Variants in SYTL3 observed in about 807,000 individuals in gnomAD.
SYTL3 encodes synaptotagmin like 3.
SYTL3 carries 88 observed loss-of-function variants against 82.1 expected under a neutral mutation model. The observed-to-expected ratio is 1.07, with a 90% CI of 0.90 to 1.28. The LOEUF (loss-of-function observed/expected upper bound fraction) is 1.28. SYTL3 is among the 50% of genes most tolerant of loss of function. SYTL3 has a pLI of 0.00. For synonymous variants in SYTL3, 311 were observed against 289.4 expected (o/e 1.07, Z -0.76); for missense variants, 831 against 757.6 (o/e 1.10, Z -1.14).
rs552229219 is a variant in SYTL3, at chr6:158,713,692, C to T, written c.517-108C>T. ...CCCCAGCACCACGCCCACACTCACT[C>T]GCACACACCCACATGCCAGTGTTTT... is the stretch of plus-strand genomic sequence containing the variant. On this transcript the variant is annotated intron_variant, in intron 8 of 17. Transcript: ENST00000611299. 132 of 792,094 alleles carry T rather than the reference C, an allele frequency of 1.7e-4. 1 individual carries two copies. The highest frequency in any genetic ancestry group is 1.4e-3 in the South Asian group (92 of 66,392). 49.1% of individuals were successfully genotyped at this position (792,094 alleles called of 1,614,324 possible). A position where few individuals can be genotyped will look rare whatever the true frequency, so the allele number is the denominator to read the frequency against.
intron 2 of SYTL3, among the ~76,000 whole-genome samples, chr6:158,660,687 A>G (rs1789281918): frequency 6.6e-6 from 1 of 152,236 alleles, no homozygotes; most frequent in African/African-American, 2.4e-5. Flanking sequence ...GACCAGAGCC[A>G]GAGAACGGAG....
chr6:158,759,945 G>A (rs1204428181), intron 14 of SYTL3, among the ~76,000 whole-genome samples: 4 of 151,940 alleles, frequency 2.6e-5, no homozygotes, highest in Non-Finnish European at 5.9e-5. Flanking sequence ...TTTATGTGTG[G>A]CCCAAGACAA....
intron 6 of SYTL3, among the ~76,000 whole-genome samples, chr6:158,693,855 C>CTTTTCTTTTCTTTTCTTTTCTT (rs71030191): frequency 9.3e-5 from 9 of 96,866 alleles, no homozygotes; most frequent in South Asian, 3.2e-4. Context: ...TTTTTCTTTT[C>CTTTTCTTTTCTTTTCTTTTCTT]TTTTTTTTTT....
intron 11 of SYTL3, among the ~76,000 whole-genome samples, chr6:158,735,068 C>A (rs950230146): frequency 2.6e-5 from 4 of 152,142 alleles, no homozygotes; most frequent in African/African-American, 9.7e-5. Context: ...GTTTTGTACT[C>A]TTACATTGAG....
At chr6:158,682,355 CTT>C (rs61526522) in intron 5 of SYTL3, among the ~76,000 whole-genome samples, 4 of 106,830 alleles carry the variant, frequency 3.7e-5, no homozygotes, top group Admixed American at 1.0e-4. Flanking sequence ...TTAACATTCA[CTT>C]TTTTTTTTTT....
intron 5 of SYTL3, among the ~76,000 whole-genome samples, chr6:158,666,792 T>C (rs1215707943): frequency 3.9e-5 from 6 of 152,216 alleles, no homozygotes; most frequent in Admixed American, 3.9e-4. Context: ...CCTGTCCCTT[T>C]GCAAGGCTTA....
At chr6:158,751,397 G>A (rs1409561221) in intron 12 of SYTL3, among the ~76,000 whole-genome samples, 3 of 152,188 alleles carry the variant, frequency 2.0e-5, no homozygotes, top group African/African-American at 7.2e-5. Context: ...GGCTGGGTGA[G>A]TGCAGATGGA....
intron 9 of SYTL3, among the ~76,000 whole-genome samples, chr6:158,717,036 C>T (rs773160879): frequency 5.7e-4 from 87 of 152,308 alleles, no homozygotes; most frequent in Non-Finnish European, 1.1e-3. Context: ...AATCCCAGCA[C>T]TTTGGGAGGC....
chr6:158,678,740 A>G (rs1778334686), intron 5 of SYTL3, among the ~76,000 whole-genome samples: 1 of 152,298 alleles, frequency 6.6e-6, no homozygotes, highest in East Asian at 1.9e-4. Flanking sequence ...AAGGTCAGTC[A>G]TGGGTCAGGT....
intron 6 of SYTL3, among the ~76,000 whole-genome samples, chr6:158,694,113 G>C (rs1346146631): frequency 6.6e-6 from 1 of 152,038 alleles, no homozygotes; most frequent in African/African-American, 2.4e-5. Context: ...TGTTTTCCCA[G>C]CAGATTGGAT....
chr6:158,686,900 C>T (rs766182068), intron 6 of SYTL3, among the ~76,000 whole-genome samples: 75 of 152,266 alleles, frequency 4.9e-4, no homozygotes, highest in Admixed American at 3.8e-3. Context: ...CCTCTGGAAG[C>T]CCCCACTGGA....
intron 5 of SYTL3, among the ~76,000 whole-genome samples, chr6:158,672,603 CTT>C (rs1293908842): frequency 6.7e-5 from 9 of 134,540 alleles, no homozygotes; most frequent in South Asian, 4.9e-4. Flanking sequence ...TCTTTTAAAA[CTT>C]TTTATTTAGT....
At chr6:158,743,661 G>T (rs988823913) in intron 11 of SYTL3, among the ~76,000 whole-genome samples, 1 of 141,240 alleles carries the variant, frequency 7.1e-6, no homozygotes, top group Non-Finnish European at 1.5e-5. Context: ...GGCCAGGCTG[G>T]TCTCAAACTC....
At chr6:158,682,124 A>G (rs911398658) in intron 5 of SYTL3, among the ~76,000 whole-genome samples, 7 of 151,764 alleles carry the variant, frequency 4.6e-5, no homozygotes, top group African/African-American at 1.7e-4. Context: ...TTTTTAGTAG[A>G]GACAGGGTTT....
intron 2 of SYTL3, among the ~76,000 whole-genome samples, chr6:158,656,251 C>T (rs1443282666): frequency 1.3e-5 from 2 of 152,098 alleles, no homozygotes; most frequent in African/African-American, 4.8e-5. Context: ...GGCGTCTCAG[C>T]CAGGCAGGTG....
chr6:158,750,842 C>A (rs1788294036), intron 12 of SYTL3, among the ~76,000 whole-genome samples: 1 of 152,202 alleles, frequency 6.6e-6, no homozygotes, highest in Non-Finnish European at 1.5e-5. Context: ...ATTGCCCAGG[C>A]TGGAGTGCAG....
chr6:158,713,430 A>G (rs1782985199), intron 8 of SYTL3, among the ~76,000 whole-genome samples: 1 of 152,084 alleles, frequency 6.6e-6, no homozygotes, highest in Admixed American at 6.6e-5. Context: ...GGGTGGGGCC[A>G]TTGGAGAAAA....
At chr6:158,764,392 C>T (rs775800686) in intron 17 of SYTL3, 103 bp from the exon 18 acceptor site, 36 of 813,054 alleles carry the variant, frequency 4.4e-5, no homozygotes, top group Non-Finnish European at 6.6e-5. Flanking sequence ...TTAATGTGGA[C>T]TTGAGGTGAA....
chr6:158,649,592 G>C (rs73797070), upstream of SYTL3, among the ~76,000 whole-genome samples: 6,601 of 152,290 alleles, frequency 0.043, 320 homozygotes, highest in African/African-American at 0.12. Context: ...CATTTTGAAG[G>C]TTCCCCTTGG....
Sources: allele counts gnomAD v4.1 joint callset (sites outside exome capture counted in the v4.1 genomes callset), GRCh38; gene constraint gnomAD v4.1.1; transcripts MANE v1.5; gene names NCBI Gene and HGNC (gene_info 2026-07-23, HGNC 2026-07-21).